HIVEP3: variants seen among roughly 807,000 people sequenced by gnomAD.
HIVEP3 encodes HIVEP zinc finger 3, also known as transcription factor HIVEP3.
HIVEP3 carries 49 observed loss-of-function variants against 152.8 expected under a neutral mutation model. The observed-to-expected ratio is 0.32, with a 90% CI of 0.26 to 0.41. HIVEP3 has a LOEUF of 0.41. Ranked by LOEUF, HIVEP3 falls within the 10% of genes least tolerant of loss-of-function variation. The probability of loss-of-function intolerance (pLI) is 1.00; values close to 1 mark genes in which losing one functional copy is unlikely to be tolerated. For synonymous variants in HIVEP3, 1,269 were observed against 1,289.0 expected (o/e 0.98, Z 0.33); for missense variants, 2,790 against 3,103.3 (o/e 0.90, Z 2.40).
chr1:41,967,036 C>T (rs535242186), intron 1 of HIVEP3, among the ~76,000 whole-genome samples: 1 of 152,052 alleles, frequency 6.6e-6, no homozygotes, highest in African/African-American at 2.4e-5. Flanking sequence ...TACAGAAACA[C>T]CCAGATTCAT....
At chr1:42,026,017 C>A (rs1440118474) in intron 1 of HIVEP3, among the ~76,000 whole-genome samples, 1 of 151,852 alleles carries the variant, frequency 6.6e-6, no homozygotes, top group East Asian at 1.9e-4. Context: ...CTGCAGTGAG[C>A]CGTGATCGTG....
intron 3 of HIVEP3, among the ~76,000 whole-genome samples, chr1:41,614,969 C>G (rs1225359997): frequency 6.6e-6 from 1 of 152,196 alleles, no homozygotes; most frequent in East Asian, 1.9e-4. Flanking sequence ...ACATCCAGCT[C>G]TGAGCTAGGC....
intron 2 of HIVEP3, among the ~76,000 whole-genome samples, chr1:41,692,197 G>GAA (rs1451977464): frequency 6.6e-6 from 1 of 152,198 alleles, no homozygotes; most frequent in Non-Finnish European, 1.5e-5. Flanking sequence ...GGCTGAATGA[G>GAA]GCGACCTTCT....
rs74071398 is a variant in HIVEP3 at position 41,793,781 on chromosome 1, T to G, written c.-800-92786A>C. 1.2e-3 allele frequency among the ~76,000 whole-genome samples: 188 copies of G among 152,296 alleles called. 1 individual carries two copies. The highest frequency in any genetic ancestry group is 4.0e-3 in the African/African-American group (166 of 41,556). ...GAAGGGTCTTAGCATATAGGCCCTT[T>G]GAGGAAGAAACATCAGTGTAGAAAA... On this transcript the variant is annotated intron_variant, in intron 1 of 8. Transcript: ENST00000372583.
At chr1:41,660,695 C>T (rs1339867031) in intron 2 of HIVEP3, among the ~76,000 whole-genome samples, 3 of 152,206 alleles carry the variant, frequency 2.0e-5, no homozygotes, top group African/African-American at 7.2e-5. Flanking sequence ...AGCCTACTAA[C>T]TTGAAAAGGG....
At chr1:41,723,104 A>C (rs1646701222) in intron 1 of HIVEP3, among the ~76,000 whole-genome samples, 2 of 151,954 alleles carry the variant, frequency 1.3e-5, no homozygotes, top group Admixed American at 1.3e-4. Flanking sequence ...TGTGTTCTAG[A>C]AAGATCCCCC....
At chr1:41,666,120 T>C (rs894167145) in intron 2 of HIVEP3, among the ~76,000 whole-genome samples, 10 of 131,928 alleles carry the variant, frequency 7.6e-5, no homozygotes, top group Admixed American at 1.5e-4. Context: ...GGGGTGTGTG[T>C]GCGTGTGTGT....
In HIVEP3 at chr1:41,584,942, T is replaced by A; in HGVS notation, c.-145A>T. The A allele has an allele frequency of 1.4e-6, 1 of 693,202 alleles. No homozygotes were observed. The highest frequency in any genetic ancestry group is 4.5e-5 in the South Asian group (1 of 22,132). The allele number at this position is 693,202 out of a possible 1,614,324, so 42.9% of individuals were successfully genotyped here. On this transcript the variant is annotated 5_prime_UTR_variant, in exon 4 of 9. Coordinates refer to ENST00000372583, the MANE Select transcript of HIVEP3 (RefSeq NM_024503.5). This position sits in a 1 kb window ranked among gnomAD's most constrained non-coding sequence, Gnocchi z 5.2. ...GCCAAACCCAAGACGGCTTTGGGAG[T>A]TTTTTGCAAGTGTCACTGGCTGTGA... is the stretch of plus-strand genomic sequence containing the variant.
At chr1:41,733,235 G>A (rs973668473) in intron 1 of HIVEP3, among the ~76,000 whole-genome samples, 3 of 152,124 alleles carry the variant, frequency 2.0e-5, no homozygotes, top group South Asian at 2.1e-4. Flanking sequence ...GGAGGGGGTG[G>A]GGAAGATGAG....
intron 3 of HIVEP3, 133 bp from the exon 4 acceptor site, chr1:41,585,451 A>G (rs533499369): frequency 7.5e-6 from 3 of 397,426 alleles, no homozygotes; most frequent in South Asian, 2.7e-4. Context: ...AAAGTTAACC[A>G]GGGAAACTCA....
At chr1:41,958,321 C>T (rs879824146) in intron 1 of HIVEP3, among the ~76,000 whole-genome samples, 1 of 152,186 alleles carries the variant, frequency 6.6e-6, no homozygotes, top group Admixed American at 6.5e-5. Flanking sequence ...CGAGACAATG[C>T]CATTGTAAGT....
In HIVEP3 at chr1:41,781,818, T is replaced by C. The variant is rs148783195; in HGVS notation, c.-800-80823A>G. On this transcript the variant is annotated intron_variant, in intron 1 of 8. Coordinates refer to ENST00000372583, the MANE Select transcript of HIVEP3 (RefSeq NM_024503.5). ...GAGCATTTGCACATGTTATTTCTTT[T>C]GCTGCCATGTCCTTCTGTCACTTGT... Among the ~76,000 whole-genome samples the C allele has an allele frequency of 4.0e-3, 613 of 152,350 alleles. 2 individuals are homozygous for C. Among genetic ancestry groups the C allele is most frequent in the African/African-American group, 0.014 (584 of 41,568 alleles).
At chr1:41,562,624 T>TAC (rs1558063076) in intron 5 of HIVEP3, among the ~76,000 whole-genome samples, 6 of 109,878 alleles carry the variant, frequency 5.5e-5, no homozygotes, top group Non-Finnish European at 1.2e-4. Context: ...TCTCTCTCTC[T>TAC]CTCTCTCTCC....
intron 2 of HIVEP3, among the ~76,000 whole-genome samples, chr1:41,649,002 C>G (rs1645504637): frequency 6.6e-6 from 1 of 152,212 alleles, no homozygotes; most frequent in African/African-American, 2.4e-5. Flanking sequence ...CACAGCAGAG[C>G]CTGTGTGGAT....
At chr1:41,874,098 C>T (rs1430807593) in intron 1 of HIVEP3, among the ~76,000 whole-genome samples, 1 of 152,196 alleles carries the variant, frequency 6.6e-6, no homozygotes, top group Non-Finnish European at 1.5e-5. Context: ...CTTCCCTTGG[C>T]TTCACTGAAA....
At chr1:41,548,863 T>C (rs1291722982) in intron 5 of HIVEP3, among the ~76,000 whole-genome samples, 1 of 151,420 alleles carries the variant, frequency 6.6e-6, no homozygotes, top group Non-Finnish European at 1.5e-5. Context: ...TTCCAACTCA[T>C]TATTTTATTT....
chr1:41,738,033 C>T (rs1646944293), intron 1 of HIVEP3, among the ~76,000 whole-genome samples: 1 of 152,210 alleles, frequency 6.6e-6, no homozygotes, highest in Non-Finnish European at 1.5e-5. Context: ...GAAGCTCAGC[C>T]ATGTGATCTG....
intron 1 of HIVEP3, among the ~76,000 whole-genome samples, chr1:41,736,838 G>A (rs77549955): frequency 0.015 from 2,297 of 152,276 alleles, 36 homozygotes; most frequent in Non-Finnish European, 0.022. Flanking sequence ...GCCTGTCAGA[G>A]GGATGTGGCC....
chr1:41,602,104 T>C (rs980162890), intron 3 of HIVEP3, among the ~76,000 whole-genome samples: 2 of 152,224 alleles, frequency 1.3e-5, no homozygotes, highest in African/African-American at 4.8e-5. Flanking sequence ...CACTTGGTCA[T>C]GGTGTATGAT....
Sources: gnomAD v4.1 joint callset for allele counts (sites outside exome capture counted in the v4.1 genomes callset) on GRCh38, gnomAD v4.1.1 for gene constraint, Gnocchi (gnomAD v3.1) non-coding constraint, MANE v1.5 for transcripts, NCBI Gene and HGNC (gene_info 2026-07-23, HGNC 2026-07-21) for gene names.